Variants in KIF26B observed in about 807,000 individuals in gnomAD.
KIF26B encodes the protein kinesin family member 26B.
KIF26B carries 63 observed loss-of-function variants against 151.2 expected under a neutral mutation model. That is an observed-to-expected ratio of 0.42 (90% CI 0.34 to 0.51). KIF26B has a LOEUF of 0.51. Ranked by LOEUF, KIF26B falls within the 20% of genes least tolerant of loss-of-function variation. KIF26B has a pLI of 0.07. For synonymous variants in KIF26B, 1,357 were observed against 1,262.1 expected (o/e 1.08, Z -1.59); for missense variants, 2,813 against 2,913.6 (o/e 0.97, Z 0.79).
Position 245,667,915 on chromosome 1 carries a change from G to A in KIF26B, c.2259-16318G>A, listed in dbSNP as rs1051732199. ...TGTTTTGTTTTGTGTTTTTGAGATG[G>A]AGTCTCACTCTGTCACCCAGGCTGG... On this transcript the variant is annotated intron_variant, in intron 10 of 14. Transcript: ENST00000407071. The surrounding 1 kb of genome is among the most constrained non-coding windows in gnomAD (Gnocchi z 4.3). 1.3e-5 allele frequency among the ~76,000 whole-genome samples: 2 copies of A among 152,076 alleles called. No homozygotes were observed. Among genetic ancestry groups the A allele is most frequent in the Non-Finnish European group, 2.9e-5 (2 of 68,006 alleles).
intron 5 of KIF26B, among the ~76,000 whole-genome samples, chr1:245,592,769 T>C (rs2043301956): frequency 6.6e-6 from 1 of 152,164 alleles, no homozygotes; most frequent in African/African-American, 2.4e-5. Flanking sequence ...GTGTTTTGTT[T>C]GGGCAAAGAA....
chr1:245,253,800 C>CTT lies in KIF26B; in HGVS notation c.465+97143_465+97144dup, dbSNP rs5782330. Among the ~76,000 whole-genome samples, 107 of 72,180 alleles carry CTT rather than the reference C, an allele frequency of 1.5e-3. 3 individuals are homozygous for CTT. Among genetic ancestry groups the CTT allele is most frequent in the Non-Finnish European group, 2.1e-3 (84 of 39,654 alleles). 47.4% of individuals were successfully genotyped at this position (72,180 alleles called of 152,430 possible). A position where few individuals can be genotyped will look rare whatever the true frequency, so the allele number is the denominator to read the frequency against. On this transcript the variant is annotated intron_variant, in intron 2 of 14. Transcript: ENST00000407071. ...CCTGTCTATAGACTTTGAAGTCCTG[C>CTT]TTTTTTTTTTTTTTTTTTTTTTTTT...
chr1:245,171,900 A>G (rs938266060), intron 2 of KIF26B, among the ~76,000 whole-genome samples: 2 of 152,204 alleles, frequency 1.3e-5, no homozygotes, highest in African/African-American at 4.8e-5. Flanking sequence ...ACTGCTTCAC[A>G]GGCGTGTTTT....
intron 9 of KIF26B, among the ~76,000 whole-genome samples, chr1:245,617,993 C>A (rs1200381841): frequency 1.3e-5 from 2 of 152,100 alleles, no homozygotes; most frequent in East Asian, 1.9e-4. Context: ...CCAATTGGGA[C>A]CCCCTCAGTG....
intron 9 of KIF26B, among the ~76,000 whole-genome samples, chr1:245,640,139 C>CTATATATA (rs1296449604): frequency 3.3e-5 from 1 of 30,094 alleles, no homozygotes; most frequent in Non-Finnish European, 6.8e-5. Flanking sequence ...CTCTCTCTCT[C>CTATATATA]TCTCTATATA....
intron 4 of KIF26B, among the ~76,000 whole-genome samples, chr1:245,518,065 G>T (rs371734615): frequency 1.3e-5 from 2 of 151,904 alleles, no homozygotes; most frequent in Admixed American, 6.6e-5. Context: ...AGAGACGAGG[G>T]TTCACCATCT....
chr1:245,253,977 T>A (rs1002152902), intron 2 of KIF26B, among the ~76,000 whole-genome samples: 4 of 150,546 alleles, frequency 2.7e-5, no homozygotes, highest in Middle Eastern at 3.4e-3. Context: ...GCCCGGCTGA[T>A]TTTTTTGTAT....
chr1:245,160,560 C>A (rs889540054), intron 2 of KIF26B, among the ~76,000 whole-genome samples: 1 of 151,924 alleles, frequency 6.6e-6, no homozygotes, highest in African/African-American at 2.4e-5. Flanking sequence ...AACAGCCCAA[C>A]GAAATTCCCT....
rs181075433 is a variant in KIF26B, at chr1:245,463,328, A to T, written c.1166+43583A>T. ...GAGGTTAAGCTACTTGCCAGATCTC[A>T]TGGCTAAGAAGTGGCAGAACCAGGA... On this transcript the variant is annotated intron_variant, in intron 4 of 14. Transcript: ENST00000407071. Among the ~76,000 whole-genome samples the T allele has an allele frequency of 4.6e-5, 7 of 152,282 alleles. No individual in the cohort carries two copies. The East Asian group carries it at 1.2e-3, about 25-fold the overall frequency.
intron 4 of KIF26B, among the ~76,000 whole-genome samples, chr1:245,534,212 G>C (rs1337815456): frequency 1.3e-5 from 2 of 151,834 alleles, no homozygotes; most frequent in African/African-American, 4.8e-5. Context: ...CCCCAGGCTG[G>C]TGTGCAGTGG....
At chr1:245,669,050 TTCA>T (rs1379287951) in intron 10 of KIF26B, among the ~76,000 whole-genome samples, 8 of 152,204 alleles carry the variant, frequency 5.3e-5, no homozygotes, top group Non-Finnish European at 8.8e-5. Flanking sequence ...TAGAGTTGGC[TTCA>T]TCATCTTCCT....
At chr1:245,356,020 C>G (rs1046524599) in intron 2 of KIF26B, among the ~76,000 whole-genome samples, 1 of 152,088 alleles carries the variant, frequency 6.6e-6, no homozygotes, top group Non-Finnish European at 1.5e-5. Flanking sequence ...TTCCAGAGCC[C>G]GGCTCCCCAG....
intron 2 of KIF26B, among the ~76,000 whole-genome samples, chr1:245,276,080 G>T (rs1670930076): frequency 1.3e-5 from 2 of 152,094 alleles, no homozygotes; most frequent in African/African-American, 4.8e-5. Flanking sequence ...GGTGGCTCAT[G>T]CCTGTAATCC....
At chr1:245,326,849 G>T (rs899649642) in intron 2 of KIF26B, among the ~76,000 whole-genome samples, 16 of 152,194 alleles carry the variant, frequency 1.1e-4, no homozygotes, top group Non-Finnish European at 2.2e-4. Context: ...AAGTCATCTG[G>T]CCAGTCCAGT....
At chr1:245,343,072 C>T (rs573426507) in intron 2 of KIF26B, among the ~76,000 whole-genome samples, 29 of 119,994 alleles carry the variant, frequency 2.4e-4, no homozygotes, top group African/African-American at 8.0e-4. Flanking sequence ...GGCAACAGAG[C>T]GAGACTCCAT....
intron 8 of KIF26B, 57 bp downstream of exon 8, chr1:245,609,585 C>T (rs954552052): frequency 1.4e-6 from 2 of 1,439,256 alleles, no homozygotes; most frequent in Non-Finnish European, 1.8e-6. Flanking sequence ...ACCTCAGAGG[C>T]TGGGGCAGCT....
chr1:245,572,590 T>G lies in KIF26B; in HGVS notation c.1351-29987T>G, dbSNP rs1161621435. ...TGGGAAATTTTATGTTATGTGAATT[T>G]TATCTCATGATTAAAATTAAAAATG... On this transcript the variant is annotated intron_variant, in intron 5 of 14. Coordinates refer to ENST00000407071, the MANE Select transcript of KIF26B (RefSeq NM_018012.4). This position sits in a 1 kb window ranked among gnomAD's most constrained non-coding sequence, Gnocchi z 4.2. Among the ~76,000 whole-genome samples the G allele has an allele frequency of 6.6e-6, 1 of 152,204 alleles. No individual in the cohort carries two copies. Among genetic ancestry groups the G allele is most frequent in the Non-Finnish European group, 1.5e-5 (1 of 68,048 alleles).
chr1:245,350,563 G>GTCCC (rs1355936099), intron 2 of KIF26B, among the ~76,000 whole-genome samples: 1 of 150,476 alleles, frequency 6.6e-6, no homozygotes, highest in Non-Finnish European at 1.5e-5. Flanking sequence ...TTGACCATGG[G>GTCCC]TAGACTCTGG....
intron 3 of KIF26B, among the ~76,000 whole-genome samples, chr1:245,406,986 C>T (rs554874521): frequency 2.0e-5 from 3 of 152,214 alleles, no homozygotes; most frequent in African/African-American, 4.8e-5. Flanking sequence ...CAAGGTTTTA[C>T]CATGTTGGCC....
Sources: gnomAD v4.1 joint callset for allele counts (sites outside exome capture counted in the v4.1 genomes callset) on GRCh38, gnomAD v4.1.1 for gene constraint, Gnocchi (gnomAD v3.1) non-coding constraint, MANE v1.5 for transcripts, NCBI Gene and HGNC (gene_info 2026-07-23, HGNC 2026-07-21) for gene names.